Variants in SLCO3A1 observed in about 807,000 individuals in gnomAD.
The protein encoded by SLCO3A1 is PGE1 transporter.
In SLCO3A1, 27 loss-of-function variants were observed where a neutral mutation model predicts 63.1. That is an observed-to-expected ratio of 0.43 (90% CI 0.32 to 0.59). The LOEUF (loss-of-function observed/expected upper bound fraction) is 0.59, where lower values mean the gene tolerates loss of function less well. Ranked by LOEUF, SLCO3A1 falls within the 20% of genes least tolerant of loss-of-function variation. The probability of loss-of-function intolerance (pLI) is 0.09; values close to 1 mark genes in which losing one functional copy is unlikely to be tolerated. For synonymous variants in SLCO3A1, 473 were observed against 409.9 expected (o/e 1.15, Z -1.86); for missense variants, 773 against 945.8 (o/e 0.82, Z 2.40).
intron 4 of SLCO3A1, among the ~76,000 whole-genome samples, chr15:92,116,981 G>C (rs1233460054): frequency 6.6e-6 from 1 of 152,178 alleles, no homozygotes; most frequent in Non-Finnish European, 1.5e-5. Context: ...CAAACCTAAT[G>C]ATTTTTCACA....
intron 1 of SLCO3A1, among the ~76,000 whole-genome samples, chr15:91,880,892 G>A (rs1240377964): frequency 6.6e-6 from 1 of 152,112 alleles, no homozygotes; most frequent in Non-Finnish European, 1.5e-5. Context: ...TTCTCTTCTT[G>A]GTTTTCAGCA....
In SLCO3A1 at chr15:91,875,572, G is replaced by A. The variant is rs1226089625; in HGVS notation, c.180+21484G>A. Among the ~76,000 whole-genome samples the A allele has an allele frequency of 2.6e-5, 4 of 152,206 alleles. No homozygotes were observed. Among genetic ancestry groups the A allele is most frequent in the African/African-American group, 9.6e-5 (4 of 41,452 alleles). On this transcript the variant is annotated intron_variant, in intron 1 of 9. Coordinates refer to ENST00000318445, the MANE Select transcript of SLCO3A1 (RefSeq NM_013272.4). The surrounding 1 kb of genome is among the most constrained non-coding windows in gnomAD (Gnocchi z 4.5). Reference sequence around the variant, plus strand: ...TGAGCGTGAAAGGAGTTACTGCCTGGGAAGCACTTGTGTGTGATAAGTCTT... The same window carrying A: ...TGAGCGTGAAAGGAGTTACTGCCTGAGAAGCACTTGTGTGTGATAAGTCTT...
chr15:91,931,823 T>A (rs150619796), intron 2 of SLCO3A1, among the ~76,000 whole-genome samples: 55 of 77,770 alleles, frequency 7.1e-4, no homozygotes, highest in South Asian at 5.3e-3. Context: ...ACACACACAC[T>A]CACACAGGAG....
intron 2 of SLCO3A1, among the ~76,000 whole-genome samples, chr15:91,977,983 C>T (rs1183430041): frequency 6.6e-6 from 1 of 152,146 alleles, no homozygotes; most frequent in Non-Finnish European, 1.5e-5. Flanking sequence ...AGTAGGCACT[C>T]AGTAAACACA....
intron 1 of SLCO3A1, among the ~76,000 whole-genome samples, chr15:91,878,676 C>G (rs1322764709): frequency 1.3e-5 from 2 of 152,198 alleles, no homozygotes; most frequent in Admixed American, 6.5e-5. Context: ...CCATCCAGAA[C>G]TGTCATCTCT....
chr15:92,051,515 G>T (rs2046957150), intron 2 of SLCO3A1, among the ~76,000 whole-genome samples: 1 of 152,146 alleles, frequency 6.6e-6, no homozygotes, highest in African/African-American at 2.4e-5. Context: ...TAATTGAGGG[G>T]TTTTTTGATT....
In SLCO3A1 at chr15:91,862,878, T is replaced by G. The variant is rs1380305347; in HGVS notation, c.180+8790T>G. On this transcript the variant is annotated intron_variant, in intron 1 of 9. Coordinates refer to ENST00000318445, the MANE Select transcript of SLCO3A1 (RefSeq NM_013272.4). The surrounding 1 kb of genome is among the most constrained non-coding windows in gnomAD (Gnocchi z 4.0). ...GTAAAATATTAATGGGAATGGCTAT[T>G]GTCTTTCACCCCCTTTGCAAGAGGC... 6.6e-6 allele frequency among the ~76,000 whole-genome samples: 1 copy of G among 152,254 alleles called. No individual in the cohort carries two copies. The highest frequency in any genetic ancestry group is 1.5e-5 in the Non-Finnish European group (1 of 68,038).
At chr15:92,119,512 C>T (rs80324133) in intron 4 of SLCO3A1, among the ~76,000 whole-genome samples, 22,394 of 152,032 alleles carry the variant, frequency 0.15, 1,746 homozygotes, top group Non-Finnish European at 0.17. Flanking sequence ...GAGAAGAGAC[C>T]CGCTAAGGAG....
intron 2 of SLCO3A1, among the ~76,000 whole-genome samples, chr15:92,050,109 T>G (rs1340700025): frequency 6.6e-6 from 1 of 152,198 alleles, no homozygotes; most frequent in Non-Finnish European, 1.5e-5. Context: ...GCTGCACACT[T>G]AGGTGACTGT....
chr15:91,976,247 TA>T (rs1386091460), intron 2 of SLCO3A1, among the ~76,000 whole-genome samples: 3 of 152,112 alleles, frequency 2.0e-5, no homozygotes, highest in Non-Finnish European at 4.4e-5. Flanking sequence ...AAAGAGTTAG[TA>T]CCAAAAAAAG....
chr15:91,960,254 A>G lies in SLCO3A1; in HGVS notation c.646+43796A>G, dbSNP rs188329616. Among the ~76,000 whole-genome samples, 279 of 152,266 alleles carry G rather than the reference A, an allele frequency of 1.8e-3. 3 individuals are homozygous for G. The highest frequency in any genetic ancestry group is 3.0e-3 in the Non-Finnish European group (203 of 68,020). On this transcript the variant is annotated intron_variant, in intron 2 of 9. Transcript: ENST00000318445. ...CACCTCGGCCTCCCAGAGTGCTGAG[A>G]TTACAGGCGTGAGCCACCACGCCCG...
chr15:92,070,361 G>A (rs2047200276), intron 2 of SLCO3A1, among the ~76,000 whole-genome samples: 1 of 152,228 alleles, frequency 6.6e-6, no homozygotes, highest in Admixed American at 6.5e-5. Flanking sequence ...AATTACGGAG[G>A]GTCGGGTGCG....
intron 2 of SLCO3A1, among the ~76,000 whole-genome samples, chr15:91,959,262 G>A (rs1052891141): frequency 6.6e-6 from 1 of 152,022 alleles, no homozygotes; most frequent in South Asian, 2.1e-4. Context: ...AATGGACTCT[G>A]GGGACTTGGG....
At position 92,103,789 on chromosome 15, in the gene SLCO3A1, C is replaced by T. The variant is rs1012970740; in HGVS notation, c.746-490C>T. On this transcript the variant is annotated intron_variant, in intron 3 of 9. Coordinates refer to ENST00000318445, the MANE Select transcript of SLCO3A1 (RefSeq NM_013272.4). ...ACCCAGGCAGCCTGGCTTCAGAGGC[C>T]CTGCTCTAAAACCCTATTGTGCGCC... Among the ~76,000 whole-genome samples the T allele has an allele frequency of 5.3e-5, 8 of 151,912 alleles. No individual in the cohort carries two copies. In the South Asian group the frequency reaches 1.7e-3, roughly 32 times the overall value.
intron 7 of SLCO3A1, among the ~76,000 whole-genome samples, chr15:92,142,206 C>G (rs886959571): frequency 6.6e-6 from 1 of 152,242 alleles, no homozygotes; most frequent in Admixed American, 6.5e-5. Flanking sequence ...TTTTCTTCTT[C>G]TGTCATTAAC....
Position 92,163,075 on chromosome 15 carries a change from A to AAAG in SLCO3A1, c.2074_2076dup (p.Lys692dup), listed in dbSNP as rs763277334. On this transcript the variant is annotated inframe_insertion, in exon 10 of 10. Transcript: ENST00000318445. ...TGCCCGCAAACCAGACACATAGGAC[A>AAAG]AAGTTTATCTATAACCTGGAAGACC... 6.4e-7 allele frequency: 1 copy of AAAG among 1,553,970 alleles called. No homozygotes were observed. The highest frequency in any genetic ancestry group is 2.2e-5 in the East Asian group (1 of 44,504).
At chr15:92,111,013 T>A (rs2047722446) in intron 4 of SLCO3A1, among the ~76,000 whole-genome samples, 1 of 152,218 alleles carries the variant, frequency 6.6e-6, no homozygotes, top group South Asian at 2.1e-4. Flanking sequence ...AAAACTGACT[T>A]GCCCTGGGGA....
chr15:92,053,686 TTG>T (rs1286959559), intron 2 of SLCO3A1, among the ~76,000 whole-genome samples: 2,300 of 52,508 alleles, frequency 0.044, 69 homozygotes, highest in African/African-American at 0.12. Flanking sequence ...GTTTTTTTGT[TTG>T]TTTGTTTGTT....
chr15:92,122,839 T>C (rs1305813230), intron 5 of SLCO3A1, among the ~76,000 whole-genome samples: 1 of 152,240 alleles, frequency 6.6e-6, no homozygotes, highest in Non-Finnish European at 1.5e-5. Context: ...AGAACTTTGA[T>C]ACATGCCTCA....
Sources: gnomAD v4.1 joint callset for allele counts (sites outside exome capture counted in the v4.1 genomes callset) on GRCh38, gnomAD v4.1.1 for gene constraint, Gnocchi (gnomAD v3.1) non-coding constraint, MANE v1.5 for transcripts, NCBI Gene and HGNC (gene_info 2026-07-23, HGNC 2026-07-21) for gene names.